FGF14: variants seen among roughly 807,000 people sequenced by gnomAD.
FGF14 encodes fibroblast growth factor homologous factor 4.
A neutral mutation model predicts 25.5 loss-of-function variants in FGF14; 5 were observed. The ratio of observed to expected loss-of-function variants is 0.20; its 90% CI spans 0.10 to 0.41. The LOEUF (loss-of-function observed/expected upper bound fraction) is 0.41. FGF14 is among the 10% of genes least tolerant of loss of function. The pLI is 1.00. For synonymous variants in FGF14, 138 were observed against 118.3 expected, an observed-to-expected ratio of 1.17 and a Z score of -1.08; for missense variants, 222 against 320.1, an observed-to-expected ratio of 0.69 and a Z score of 2.34.
chr13:101,969,260 G>A (rs141444097), intron 1 of FGF14, among the ~76,000 whole-genome samples: 2,237 of 152,240 alleles, frequency 0.015, 27 homozygotes, highest in Middle Eastern at 0.037. Flanking sequence ...GGGGATTGAA[G>A]GATAAGAAAC....
intron 1 of FGF14, among the ~76,000 whole-genome samples, chr13:102,360,803 G>A (rs1397033680): frequency 6.6e-6 from 1 of 152,030 alleles, no homozygotes; most frequent in Admixed American, 6.6e-5. Context: ...ATGTCCTCGT[G>A]TCTTAACCAA....
At position 101,857,215 on chromosome 13, in the gene FGF14, AATAG is replaced by A. The variant is rs1313359675; in HGVS notation, c.408+11506_408+11509del. On this transcript the variant is annotated intron_variant, in intron 3 of 4. Transcript: ENST00000376143. ...GCCCACATAATGATTTCTGCTAAAT[AATAG>A]ATAGGAGCCAGGATGAATGCCCAAA... 4.6e-5 allele frequency among the ~76,000 whole-genome samples: 7 copies of A among 152,022 alleles called. No individual in the cohort carries two copies. The East Asian group carries it at 9.7e-4, about 21-fold the overall frequency.
At chr13:102,370,916 T>G (rs1277742357) in intron 1 of FGF14, among the ~76,000 whole-genome samples, 4 of 149,814 alleles carry the variant, frequency 2.7e-5, no homozygotes, top group South Asian at 2.1e-4. Context: ...TTTTTTATCC[T>G]CATACCTTCT....
In FGF14 at chr13:102,323,177, T is replaced by C. The variant is rs567773966; in HGVS notation, c.208+78294A>G. ...AATTATTGTTAATCTGTGTCAGCAT[T>C]TGACACATCGCAGTATATGAGAAAC... On this transcript the variant is annotated intron_variant, in intron 1 of 4. Coordinates refer to the FGF14 transcript ENST00000376131. 7.2e-5 allele frequency among the ~76,000 whole-genome samples: 11 copies of C among 152,314 alleles called. No individual in the cohort carries two copies. The South Asian group carries it at 1.0e-3, about 14-fold the overall frequency.
intron 1 of FGF14, among the ~76,000 whole-genome samples, chr13:102,333,615 T>C (rs537350393): frequency 1.3e-4 from 20 of 152,278 alleles, no homozygotes; most frequent in African/African-American, 4.8e-4. Context: ...TATGATTTCT[T>C]GTGTTCTGAT....
intron 1 of FGF14, among the ~76,000 whole-genome samples, chr13:102,104,035 A>G (rs1000245118): frequency 6.6e-6 from 1 of 152,130 alleles, no homozygotes; most frequent in Admixed American, 6.6e-5. Context: ...CGCACTCCCT[A>G]AAAAAGGATA....
Position 101,724,597 on chromosome 13 carries a change from A to AATATATATATATAT in FGF14, c.608-1644_608-1631dup, listed in dbSNP as rs201033233. On this transcript the variant is annotated intron_variant, in intron 4 of 4. Coordinates refer to ENST00000376143, the MANE Select transcript of FGF14 (RefSeq NM_004115.4). Reference sequence around the variant, plus strand: ...CCTAGAACTTAAAGTATAATAATAAAATATATATATATATATATATATATA... The same window carrying AATATATATATATAT: ...CCTAGAACTTAAAGTATAATAATAAAATATATATATATATATATATATATATATATATATATATA... Among the ~76,000 whole-genome samples, 796 of 121,016 alleles carry AATATATATATATAT rather than the reference A, an allele frequency of 6.6e-3. 6 individuals carry two copies. The highest frequency in any genetic ancestry group is 0.012 in the South Asian group (44 of 3,538). 79.4% of individuals were successfully genotyped at this position (121,016 alleles called of 152,430 possible).
At chr13:101,765,699 T>TTTA (rs1329517281) in intron 3 of FGF14, among the ~76,000 whole-genome samples, 67 of 150,688 alleles carry the variant, frequency 4.4e-4, no homozygotes, top group Non-Finnish European at 6.8e-4. Flanking sequence ...AAGCCTTTTA[T>TTTA]TTATTATTAT....
chr13:101,947,458 A>G (rs2035882522), intron 1 of FGF14, among the ~76,000 whole-genome samples: 1 of 150,624 alleles, frequency 6.6e-6, no homozygotes, highest in African/African-American at 2.5e-5. Context: ...AATGGATTGG[A>G]TTAGAAAAAA....
At chr13:102,057,700 A>G (rs1284866260) in intron 1 of FGF14, among the ~76,000 whole-genome samples, 1 of 152,200 alleles carries the variant, frequency 6.6e-6, no homozygotes, top group Non-Finnish European at 1.5e-5. Context: ...TTTTGTTGAC[A>G]GTAATTTCTT....
intron 1 of FGF14, among the ~76,000 whole-genome samples, chr13:102,352,725 T>C (rs1290208518): frequency 6.9e-6 from 1 of 145,874 alleles, no homozygotes; most frequent in South Asian, 2.1e-4. Context: ...GGCAGGAGAA[T>C]GGCGTGAACC....
At chr13:102,088,780 C>G (rs2044039647) in intron 1 of FGF14, among the ~76,000 whole-genome samples, 1 of 152,012 alleles carries the variant, frequency 6.6e-6, no homozygotes, top group Non-Finnish European at 1.5e-5. Flanking sequence ...TTGTGTCATA[C>G]AAACTCATAT....
intron 1 of FGF14, among the ~76,000 whole-genome samples, chr13:102,016,788 G>C (rs867297259): frequency 2.1e-4 from 32 of 152,172 alleles, no homozygotes; most frequent in African/African-American, 7.7e-4. Context: ...GCACAGCAGT[G>C]GCTTTTTCTA....
chr13:102,312,682 T>C (rs1043186735), intron 1 of FGF14, among the ~76,000 whole-genome samples: 1 of 152,154 alleles, frequency 6.6e-6, no homozygotes, highest in Non-Finnish European at 1.5e-5. Flanking sequence ...CTAGGAAAAA[T>C]ATAAGAATTA....
At chr13:102,203,480 C>T (rs187430817) in intron 1 of FGF14, among the ~76,000 whole-genome samples, 1 of 152,048 alleles carries the variant, frequency 6.6e-6, no homozygotes, top group Non-Finnish European at 1.5e-5. Flanking sequence ...TCCCTAGGAT[C>T]CTTTAGTTAT....
intron 1 of FGF14, among the ~76,000 whole-genome samples, chr13:102,051,442 A>G (rs1448111065): frequency 6.6e-6 from 1 of 152,158 alleles, no homozygotes; most frequent in Non-Finnish European, 1.5e-5. Context: ...GGCACCACAC[A>G]TCAGACACCA....
chr13:102,382,953 A>AAT (rs898420382), intron 1 of FGF14, among the ~76,000 whole-genome samples: 5 of 152,158 alleles, frequency 3.3e-5, no homozygotes, highest in Admixed American at 1.3e-4. Flanking sequence ...GGAATGGGGA[A>AAT]ATAGAGAGTT....
At chr13:102,228,926 A>G (rs2050950399) in intron 1 of FGF14, among the ~76,000 whole-genome samples, 1 of 152,200 alleles carries the variant, frequency 6.6e-6, no homozygotes, top group African/African-American at 2.4e-5. Context: ...GTTGATTTAA[A>G]CATACAGTTC....
At chr13:101,852,129 T>A (rs1416231961) in intron 3 of FGF14, among the ~76,000 whole-genome samples, 4 of 152,108 alleles carry the variant, frequency 2.6e-5, no homozygotes, top group Admixed American at 6.6e-5. Context: ...ACTGAGGTGT[T>A]TTTATTTTAC....
Sources: allele counts gnomAD v4.1 joint callset (sites outside exome capture counted in the v4.1 genomes callset), GRCh38; gene constraint gnomAD v4.1.1; transcripts MANE v1.5; gene names NCBI Gene and HGNC (gene_info 2026-07-23, HGNC 2026-07-21).